Variants in ARK2N observed in about 807,000 individuals in gnomAD.
The protein encoded by ARK2N is arkadia (RNF111) N-terminal like PKA signaling regulator 2N, also known as protein ARK2N.
the ARK2N span, among the ~76,000 whole-genome samples, chr18:46,177,242 T>G: frequency 4.7e-4 from 72 of 151,988 alleles, no homozygotes; most frequent in South Asian, 1.9e-3. Flanking sequence ...AGAAGGGGGA[T>G]AGAAAATAGA....
the ARK2N span, among the ~76,000 whole-genome samples, chr18:46,244,053 A>G: frequency 2.0e-5 from 3 of 152,206 alleles, no homozygotes; most frequent in African/African-American, 7.2e-5. Flanking sequence ...GTGTGTTTAT[A>G]AATATTCACA....
chr18:46,251,950 G>A, the ARK2N span, among the ~76,000 whole-genome samples: 1 of 152,028 alleles, frequency 6.6e-6, no homozygotes, highest in Non-Finnish European at 1.5e-5. Flanking sequence ...CCAGCACTTT[G>A]GGGAGGCCAA....
chr18:46,203,298 CT>C, the ARK2N span, among the ~76,000 whole-genome samples: 1 of 152,140 alleles, frequency 6.6e-6, no homozygotes, highest in South Asian at 2.1e-4. Context: ...CAGTGGAATA[CT>C]TTGCAGTGAT....
the ARK2N span, among the ~76,000 whole-genome samples, chr18:46,252,611 A>AT: frequency 2.8e-4 from 42 of 150,784 alleles, no homozygotes; most frequent in Middle Eastern, 3.4e-3. Context: ...TGTTGTGTAG[A>AT]TTTTTTTTTT....
chr18:46,204,785 T>C, the ARK2N span, among the ~76,000 whole-genome samples: 6 of 152,064 alleles, frequency 3.9e-5, no homozygotes, highest in Admixed American at 3.9e-4. Flanking sequence ...TGTCAACTTG[T>C]GGTTTCAACT....
At chr18:46,263,337 A>T in the ARK2N span, 1 of 451,520 alleles carries the variant, frequency 2.2e-6, no homozygotes, top group South Asian at 4.8e-5. Context: ...TCTTTCCCTC[A>T]GTAGGAATAT....
At chr18:46,216,187 C>G in the ARK2N span, 1 of 1,613,822 alleles carries the variant, frequency 6.2e-7, no homozygotes, top group African/African-American at 1.3e-5. This position sits in a 1 kb window ranked among gnomAD's most constrained non-coding sequence, Gnocchi z 4.3. Context: ...TAGTGGTCAC[C>G]TGGCTGATTC....
the ARK2N span, among the ~76,000 whole-genome samples, chr18:46,203,200 G>A: frequency 2.6e-5 from 4 of 152,196 alleles, no homozygotes; most frequent in African/African-American, 9.7e-5. Flanking sequence ...AACTTTTCAT[G>A]AATGCGTTGC....
chr18:46,250,756 T>C, the ARK2N span, among the ~76,000 whole-genome samples: 2 of 152,180 alleles, frequency 1.3e-5, no homozygotes, highest in South Asian at 4.1e-4. Context: ...TCCAGACAGC[T>C]TACCATGATC....
the ARK2N span, among the ~76,000 whole-genome samples, chr18:46,175,705 G>A: frequency 6.6e-6 from 1 of 152,148 alleles, no homozygotes; most frequent in East Asian, 1.9e-4. Context: ...GTTTTACCAC[G>A]TTGGCCAAGC....
At chr18:46,178,216 C>T in the ARK2N span, among the ~76,000 whole-genome samples, 1 of 152,142 alleles carries the variant, frequency 6.6e-6, no homozygotes, top group Non-Finnish European at 1.5e-5. Context: ...TGCAAAGGTA[C>T]CTTATTAGTC....
At chr18:46,220,805 A>ACATACTGC in the ARK2N span, among the ~76,000 whole-genome samples, 16 of 152,158 alleles carry the variant, frequency 1.1e-4, no homozygotes, top group African/African-American at 1.9e-4. Context: ...GCTCTTGACC[A>ACATACTGC]CATACTGCCA....
the ARK2N span, among the ~76,000 whole-genome samples, chr18:46,190,241 C>T: frequency 0.62 from 94,823 of 151,942 alleles, 31,743 homozygotes; most frequent in Non-Finnish European, 0.74. Flanking sequence ...CTTTTCAGGC[C>T]GGGCGTGGTG....
the ARK2N span, among the ~76,000 whole-genome samples, chr18:46,260,323 C>T: frequency 6.6e-6 from 1 of 152,150 alleles, no homozygotes; most frequent in Non-Finnish European, 1.5e-5. Flanking sequence ...TTTGGGAATT[C>T]CATGTACAAC....
the ARK2N span, among the ~76,000 whole-genome samples, chr18:46,213,750 G>A: frequency 3.3e-4 from 50 of 152,118 alleles, no homozygotes; most frequent in African/African-American, 1.2e-3. Flanking sequence ...AGGCTGGAAC[G>A]CAGTGGCGTG....
chr18:46,224,468 T>G, the ARK2N span, among the ~76,000 whole-genome samples: 1 of 152,232 alleles, frequency 6.6e-6, no homozygotes, highest in East Asian at 1.9e-4. Context: ...AAACAACTTT[T>G]TAGAATTTTA....
the ARK2N span, among the ~76,000 whole-genome samples, chr18:46,239,500 C>T: frequency 6.6e-6 from 1 of 152,164 alleles, no homozygotes; most frequent in South Asian, 2.1e-4. Context: ...AAACAGAGCT[C>T]TAGTGTTAAC....
the ARK2N span, among the ~76,000 whole-genome samples, chr18:46,239,785 A>G: frequency 6.6e-6 from 1 of 152,102 alleles, no homozygotes; most frequent in Non-Finnish European, 1.5e-5. Flanking sequence ...CTTCATAGTA[A>G]CACTCCTTTT....
At chr18:46,190,503 A>T in the ARK2N span, among the ~76,000 whole-genome samples, 3 of 151,862 alleles carry the variant, frequency 2.0e-5, 1 homozygote, top group Admixed American at 2.0e-4. Flanking sequence ...CCCCCCGAAA[A>T]AAAAAAACAA....
Sources: gnomAD v4.1 joint callset for allele counts (sites outside exome capture counted in the v4.1 genomes callset) on GRCh38, gnomAD v4.1.1 for gene constraint, Gnocchi (gnomAD v3.1) non-coding constraint, MANE v1.5 for transcripts, NCBI Gene and HGNC (gene_info 2026-07-23, HGNC 2026-07-21) for gene names.